ZRANB3: variants seen among roughly 807,000 people sequenced by gnomAD.
ZRANB3 encodes zinc finger RANBP2-type containing 3, also known as DNA annealing helicase and endonuclease ZRANB3.
A neutral mutation model predicts 133.8 loss-of-function variants in ZRANB3; 125 were observed. The ratio of observed to expected loss-of-function variants is 0.93; its 90% CI spans 0.81 to 1.08. The LOEUF (loss-of-function observed/expected upper bound fraction) is 1.08, where lower values mean the gene tolerates loss of function less well. Ranked by LOEUF, ZRANB3 falls within the 50% of genes least tolerant of loss-of-function variation. ZRANB3 has a pLI of 0.00. For synonymous variants in ZRANB3, 387 were observed against 432.7 expected (o/e 0.89, Z 1.31); for missense variants, 1,229 against 1,275.5 (o/e 0.96, Z 0.56).
chr2:135,496,414 G>GAAAAAAAAAAAAAAAAAAAAA (rs1692672066), intron 2 of ZRANB3, among the ~76,000 whole-genome samples: 4 of 77,130 alleles, frequency 5.2e-5, no homozygotes, highest in South Asian at 4.7e-4. Context: ...AAAAAAAAAC[G>GAAAAAAAAAAAAAAAAAAAAA]AAATCCGCAG....
At chr2:135,342,113 G>T (rs1319956611) in intron 6 of ZRANB3, among the ~76,000 whole-genome samples, 1 of 149,868 alleles carries the variant, frequency 6.7e-6, no homozygotes, top group East Asian at 1.9e-4. Flanking sequence ...TACGGCTCAG[G>T]GGGCATCACA....
At chr2:135,271,031 C>T (rs1487938549) in intron 10 of ZRANB3, among the ~76,000 whole-genome samples, 1 of 152,236 alleles carries the variant, frequency 6.6e-6, no homozygotes, top group Non-Finnish European at 1.5e-5. Flanking sequence ...CTCTTCCGAG[C>T]TTCCCTTGAA....
chr2:135,444,586 G>A (rs955499422), intron 2 of ZRANB3, among the ~76,000 whole-genome samples: 1 of 152,092 alleles, frequency 6.6e-6, no homozygotes, highest in African/African-American at 2.4e-5. Flanking sequence ...CTTCAACTAC[G>A]TGAAATTTAT....
At chr2:135,410,052 C>T (rs1688232482) in intron 2 of ZRANB3, among the ~76,000 whole-genome samples, 1 of 152,086 alleles carries the variant, frequency 6.6e-6, no homozygotes, top group Admixed American at 6.6e-5. Context: ...ATTAAAATGG[C>T]CACAGTGCCT....
At chr2:135,477,250 T>G (rs1335013809) in intron 2 of ZRANB3, among the ~76,000 whole-genome samples, 1 of 152,156 alleles carries the variant, frequency 6.6e-6, no homozygotes, top group Non-Finnish European at 1.5e-5. Context: ...TTACCCAAAA[T>G]AGAACTTCAA....
chr2:135,318,018 A>G (rs1683341495), intron 6 of ZRANB3, among the ~76,000 whole-genome samples: 1 of 152,142 alleles, frequency 6.6e-6, no homozygotes, highest in Admixed American at 6.5e-5. Context: ...GTAAACCTTT[A>G]GTCTCTTTAA....
At chr2:135,458,555 A>G (rs548492740) in intron 2 of ZRANB3, among the ~76,000 whole-genome samples, 34 of 152,244 alleles carry the variant, frequency 2.2e-4, no homozygotes, top group African/African-American at 7.5e-4. Context: ...TACCACGTTA[A>G]CCACTTATGA....
chr2:135,529,214 A>G (rs1164490904), intron 1 of ZRANB3, among the ~76,000 whole-genome samples: 6 of 152,254 alleles, frequency 3.9e-5, no homozygotes, highest in African/African-American at 1.4e-4. Context: ...CAGTCAAAAT[A>G]ATAAAGCAAA....
At chr2:135,453,532 T>C (rs1574127726) in intron 2 of ZRANB3, among the ~76,000 whole-genome samples, 1 of 152,210 alleles carries the variant, frequency 6.6e-6, no homozygotes, top group East Asian at 1.9e-4. Context: ...CTTTTCTGCT[T>C]AGAAATTTCT....
Position 135,253,211 on chromosome 2 carries a change from G to A in ZRANB3, c.1539+12323C>T, listed in dbSNP as rs533958303. Among the ~76,000 whole-genome samples the A allele has an allele frequency of 2.3e-4, 35 of 152,298 alleles. No individual in the cohort carries two copies. In the South Asian group the frequency reaches 6.0e-3, roughly 26 times the overall value. On this transcript the variant is annotated intron_variant, in intron 12 of 20. Coordinates refer to ENST00000264159, the MANE Select transcript of ZRANB3 (RefSeq NM_032143.4). Reference sequence around the variant, plus strand: ...CCTAACTTGTCAGCACAGATCTAGCGGCAGAGGTGGTGGTAGGGCCTGCCA... The same window carrying A: ...CCTAACTTGTCAGCACAGATCTAGCAGCAGAGGTGGTGGTAGGGCCTGCCA...
chr2:135,518,001 C>T (rs760179139), intron 1 of ZRANB3, among the ~76,000 whole-genome samples: 53 of 152,260 alleles, frequency 3.5e-4, no homozygotes, highest in Admixed American at 1.2e-3. Flanking sequence ...AGTGGCTTTG[C>T]GTGCTGCGGT....
At chr2:135,470,019 A>C (rs572717360) in intron 2 of ZRANB3, among the ~76,000 whole-genome samples, 45 of 150,434 alleles carry the variant, frequency 3.0e-4, no homozygotes, top group African/African-American at 8.8e-4. Context: ...CCTCAAAAAA[A>C]AAAAAAAAGA....
chr2:135,500,280 A>T (rs1221630321), intron 2 of ZRANB3, among the ~76,000 whole-genome samples: 1 of 152,198 alleles, frequency 6.6e-6, no homozygotes, highest in African/African-American at 2.4e-5. Flanking sequence ...TTCTTGGTAG[A>T]TATACATCAG....
At chr2:135,427,430 G>A (rs1217888855) in intron 2 of ZRANB3, among the ~76,000 whole-genome samples, 1 of 152,052 alleles carries the variant, frequency 6.6e-6, no homozygotes, top group Non-Finnish European at 1.5e-5. Context: ...TGTCCAAGCT[G>A]AGTGCCAAAT....
In ZRANB3 at chr2:135,353,468, T is replaced by C. The variant is rs2104877106; in HGVS notation, c.341A>G (p.Gln114Arg). ...ELSPEEINVI[Q>R]NKTDVRRMST... ...TTCTTACCTAACATCAGTTTTATTCTGAATAACATTGATTTCTTCTGGACT... is the reference window on the plus strand; with the variant it reads ...TTCTTACCTAACATCAGTTTTATTCCGAATAACATTGATTTCTTCTGGACT... The change falls in exon 4 of 21, where the codon CAG (glutamine) becomes CGG (arginine). Residue 114 changes from glutamine (Q) to arginine (R), a missense_variant. Gln to Arg is a conservative substitution (Grantham distance 43, BLOSUM62 1). Transcript: ENST00000264159. The C allele has an allele frequency of 3.1e-6, 5 of 1,588,840 alleles. No homozygotes were observed. The highest frequency in any genetic ancestry group is 4.3e-6 in the Non-Finnish European group (5 of 1,169,384).
chr2:135,314,408 C>T (rs1004420273), intron 7 of ZRANB3, among the ~76,000 whole-genome samples: 2 of 152,036 alleles, frequency 1.3e-5, no homozygotes, highest in African/African-American at 2.4e-5. Context: ...TTAGAAGTAA[C>T]ATATTGCTCA....
intron 8 of ZRANB3, among the ~76,000 whole-genome samples, chr2:135,280,314 TC>T (rs771756433): frequency 5.9e-5 from 9 of 152,204 alleles, no homozygotes; most frequent in South Asian, 2.1e-4. Context: ...ATGCCTGTAA[TC>T]CCAGCACTTT....
At position 135,210,143 on chromosome 2, in the gene ZRANB3, T is replaced by C. The variant is rs189668138; in HGVS notation, c.2496-1165A>G. On this transcript the variant is annotated intron_variant, in intron 17 of 20. Transcript: ENST00000264159. ...TTTATTGCATGTCTTCTGGAAGCCA[T>C]CACACTGAGACAGCAGTAACTGGAG... 3.1e-3 allele frequency among the ~76,000 whole-genome samples: 475 copies of C among 152,178 alleles called. 12 individuals are homozygous for C. The highest frequency in any genetic ancestry group is 0.029 in the Admixed American group (437 of 15,274).
At chr2:135,450,682 A>G (rs555477515) in intron 2 of ZRANB3, among the ~76,000 whole-genome samples, 2 of 152,352 alleles carry the variant, frequency 1.3e-5, no homozygotes, top group African/African-American at 4.8e-5. Context: ...GACACTGGAC[A>G]TGAGACAACA....
Sources: gnomAD v4.1 joint callset for allele counts (sites outside exome capture counted in the v4.1 genomes callset) on GRCh38, gnomAD v4.1.1 for gene constraint, MANE v1.5 for transcripts, NCBI Gene and HGNC (gene_info 2026-07-23, HGNC 2026-07-21) for gene names.